PLD5: variants seen among roughly 807,000 people sequenced by gnomAD.
PLD5 encodes phospholipase D family member 5.
In PLD5, 36 loss-of-function variants were observed where a neutral mutation model predicts 61.1. That is an observed-to-expected ratio of 0.59 (90% CI 0.45 to 0.78). The LOEUF is 0.78. Ranked by LOEUF, PLD5 falls within the 30% of genes least tolerant of loss-of-function variation. PLD5 has a pLI of 0.00. For missense variants in PLD5, 515 were observed against 644.4 expected (o/e 0.80, Z 2.17); for synonymous variants, 243 against 242.8 (o/e 1.00, Z -0.01).
At chr1:242,393,973 T>A (rs1663157652) in intron 1 of PLD5, among the ~76,000 whole-genome samples, 1 of 141,328 alleles carries the variant, frequency 7.1e-6, no homozygotes, top group South Asian at 2.3e-4. Flanking sequence ...GGCAGGAGAA[T>A]CACTTGAACC....
intron 4 of PLD5, among the ~76,000 whole-genome samples, chr1:242,223,064 T>C (rs187147056): frequency 2.6e-5 from 4 of 152,316 alleles, no homozygotes; most frequent in Non-Finnish European, 5.9e-5. Context: ...CTGGAGGCTG[T>C]GAAGTCCAAG....
intron 5 of PLD5, among the ~76,000 whole-genome samples, chr1:242,182,402 T>C (rs944383364): frequency 1.3e-5 from 2 of 152,178 alleles, no homozygotes; most frequent in African/African-American, 2.4e-5. Context: ...AAATTATTTA[T>C]ACCTACCTCT....
At chr1:242,337,595 C>A (rs755348407) in intron 2 of PLD5, among the ~76,000 whole-genome samples, 20 of 152,202 alleles carry the variant, frequency 1.3e-4, no homozygotes, top group Admixed American at 3.9e-4. Flanking sequence ...CATGCCATTG[C>A]ACTCCAGCCA....
intron 2 of PLD5, among the ~76,000 whole-genome samples, chr1:242,305,530 G>A (rs2800527): frequency 0.065 from 9,709 of 150,100 alleles, 349 homozygotes; most frequent in Middle Eastern, 0.11. Flanking sequence ...GGCTAAAAGC[G>A]GAGACTGTGC....
intron 1 of PLD5, among the ~76,000 whole-genome samples, chr1:242,447,838 C>T (rs1193776897): frequency 2.6e-5 from 4 of 152,268 alleles, no homozygotes; most frequent in African/African-American, 4.8e-5. Flanking sequence ...TATCACTATG[C>T]GTATGTTTAT....
At chr1:242,263,127 C>T (rs1161750016) in intron 4 of PLD5, among the ~76,000 whole-genome samples, 2 of 152,194 alleles carry the variant, frequency 1.3e-5, no homozygotes, top group African/African-American at 4.8e-5. Flanking sequence ...AGCTGTCTCA[C>T]TTCTCCAGCC....
rs199930116 is a variant in PLD5 at position 242,319,732 on chromosome 1, C to T, written c.326+28374G>A. Among the ~76,000 whole-genome samples, 446 of 152,266 alleles carry T rather than the reference C, an allele frequency of 2.9e-3. 4 individuals are homozygous for T. The highest frequency in any genetic ancestry group is 0.027 in the East Asian group (139 of 5,186). ...CTGAAAAGTCATCTCTCCACTCACC[C>T]GAGACAAATGCCTATCTTACTGCCT... On this transcript the variant is annotated intron_variant, in intron 2 of 9. Transcript: ENST00000536534.
At chr1:242,229,649 C>G (rs1671171205) in intron 4 of PLD5, among the ~76,000 whole-genome samples, 2 of 152,082 alleles carry the variant, frequency 1.3e-5, no homozygotes, top group Non-Finnish European at 2.9e-5. Context: ...ATGAATGGAA[C>G]AGCTTTTTTA....
At chr1:242,220,252 T>C in intron 4 of PLD5, 137 bp from the exon 5 acceptor site, 1 of 1,162,492 alleles carries the variant, frequency 8.6e-7, no homozygotes, top group Non-Finnish European at 1.2e-6. Context: ...TTATGTTAGT[T>C]TGGTGGAGAG....
chr1:242,234,288 A>C (rs1671498986), intron 4 of PLD5, among the ~76,000 whole-genome samples: 1 of 152,132 alleles, frequency 6.6e-6, no homozygotes, highest in Non-Finnish European at 1.5e-5. Context: ...CCGTGCATTG[A>C]ATGCCTCTAA....
At chr1:242,107,548 T>A in intron 8 of PLD5, 123 bp downstream of exon 8, 1 of 948,770 alleles carries the variant, frequency 1.1e-6, no homozygotes, top group Non-Finnish European at 1.5e-6. Flanking sequence ...CTTAACGTGC[T>A]TTTTGAAGAT....
At chr1:242,486,797 A>T (rs1385378691) in intron 1 of PLD5, among the ~76,000 whole-genome samples, 1 of 152,178 alleles carries the variant, frequency 6.6e-6, no homozygotes, top group African/African-American at 2.4e-5. Flanking sequence ...AATAGCAAAG[A>T]CTTGGAACCA....
chr1:242,107,517 G>A (rs1292629189), intron 8 of PLD5, among the ~76,000 whole-genome samples, 154 bp downstream of exon 8: 7 of 152,020 alleles, frequency 4.6e-5, no homozygotes, highest in African/African-American at 1.7e-4. Flanking sequence ...TTTTTCGTAT[G>A]TGATTGTTTT....
chr1:242,135,986 C>G (rs60278202), intron 5 of PLD5, among the ~76,000 whole-genome samples: 2,039 of 152,052 alleles, frequency 0.013, 49 homozygotes, highest in African/African-American at 0.046. Context: ...CAGCCTGTTT[C>G]CCTGAACTTG....
In PLD5 at chr1:242,207,856, ATATT is replaced by A. The variant is rs1320307066; in HGVS notation, c.735+12128_735+12131del. Among the ~76,000 whole-genome samples, 33 of 27,942 alleles carry A rather than the reference ATATT, an allele frequency of 1.2e-3. 7 individuals carry two copies. The East Asian group carries it at 0.02, about 17-fold the overall frequency. The allele number at this position is 27,942 out of a possible 152,430, so 18.3% of individuals were successfully genotyped here. ...TATTTATATATTTATATATATTTAT[ATATT>A]TATATATTTATATATATTTATATAT... On this transcript the variant is annotated intron_variant, in intron 5 of 9. Coordinates refer to ENST00000536534, the MANE Select transcript of PLD5 (RefSeq NM_001372062.1).
chr1:242,375,457 G>A (rs979623963), intron 1 of PLD5, among the ~76,000 whole-genome samples: 1 of 152,138 alleles, frequency 6.6e-6, no homozygotes, highest in African/African-American at 2.4e-5. Context: ...AGGGCCAAAT[G>A]TCCCACGTTT....
At chr1:242,341,797 C>A (rs1659848170) in intron 2 of PLD5, among the ~76,000 whole-genome samples, 1 of 141,206 alleles carries the variant, frequency 7.1e-6, no homozygotes, top group Non-Finnish European at 1.5e-5. Flanking sequence ...GAGATAGAGA[C>A]TGAGACATAG....
At chr1:242,454,835 G>C (rs1488539764) in intron 1 of PLD5, among the ~76,000 whole-genome samples, 2 of 152,098 alleles carry the variant, frequency 1.3e-5, no homozygotes, top group African/African-American at 4.8e-5. Flanking sequence ...AGAGCTGACC[G>C]GATGCCCTGA....
chr1:242,227,864 T>C (rs1007242863), intron 4 of PLD5, among the ~76,000 whole-genome samples: 1 of 152,212 alleles, frequency 6.6e-6, no homozygotes, highest in African/African-American at 2.4e-5. Context: ...TTAGAAACAA[T>C]TCACAGATAA....
Sources: gnomAD v4.1 joint callset for allele counts (sites outside exome capture counted in the v4.1 genomes callset) on GRCh38, gnomAD v4.1.1 for gene constraint, MANE v1.5 for transcripts, NCBI Gene and HGNC (gene_info 2026-07-23, HGNC 2026-07-21) for gene names.